Variants in DYNC1I1 observed in about 807,000 individuals in gnomAD.
DYNC1I1 encodes the protein dynein cytoplasmic 1 intermediate chain 1, also known as cytoplasmic dynein 1 intermediate chain 1.
DYNC1I1 carries 43 observed loss-of-function variants against 86.6 expected under a neutral mutation model. The ratio of observed to expected loss-of-function variants is 0.50; its 90% CI spans 0.39 to 0.64. The LOEUF is 0.64. DYNC1I1 is among the 30% of genes least tolerant of loss of function. The pLI, the probability that DYNC1I1 is intolerant of heterozygous loss-of-function variation, is 0.00. For synonymous variants in DYNC1I1, 262 were observed against 283.7 expected (o/e 0.92, Z 0.77); for missense variants, 604 against 788.8 (o/e 0.77, Z 2.81).
At chr7:95,943,520 G>GTACTTTAA (rs2116454888) in intron 6 of DYNC1I1, among the ~76,000 whole-genome samples, 1 of 111,008 alleles carries the variant, frequency 9.0e-6, no homozygotes, top group East Asian at 4.3e-4. Context: ...TTGGAAAAAA[G>GTACTTTAA]TACTTTAAAG....
intron 2 of DYNC1I1, among the ~76,000 whole-genome samples, chr7:95,809,425 T>C (rs929832374): frequency 1.1e-4 from 16 of 152,170 alleles, no homozygotes; most frequent in African/African-American, 3.9e-4. Context: ...TTGACAGGCT[T>C]TAAGACAGCC....
intron 5 of DYNC1I1, among the ~76,000 whole-genome samples, chr7:95,850,211 C>T (rs1789540285): frequency 6.6e-6 from 1 of 152,110 alleles, no homozygotes; most frequent in Admixed American, 6.6e-5. Context: ...TTTCTCTTGC[C>T]TAATTGTTTT....
In DYNC1I1 at chr7:95,968,408, A is replaced by C. The variant is rs181752045; in HGVS notation, c.491-9104A>C. ...ATGACTCTTAGGTATGGAAGGTACC[A>C]CTCTGTCCTTAGGAACAATTTCCTT... On this transcript the variant is annotated intron_variant, in intron 6 of 16. Coordinates refer to ENST00000447467, the MANE Select transcript of DYNC1I1 (RefSeq NM_001135556.2). Among the ~76,000 whole-genome samples the C allele has an allele frequency of 9.9e-5, 15 of 152,198 alleles. No homozygotes were observed. The East Asian group carries it at 1.2e-3, about 12-fold the overall frequency.
chr7:96,090,013 A>C (rs1328340814), intron 16 of DYNC1I1, among the ~76,000 whole-genome samples: 1 of 151,948 alleles, frequency 6.6e-6, no homozygotes. Flanking sequence ...TATGGAAAAC[A>C]AGTTATTCAT....
intron 5 of DYNC1I1, among the ~76,000 whole-genome samples, chr7:95,857,834 A>G (rs1447168461): frequency 6.6e-6 from 1 of 152,190 alleles, no homozygotes; most frequent in Non-Finnish European, 1.5e-5. Context: ...CTCACCCATC[A>G]CTTTCACATT....
chr7:95,787,591 T>C (rs1019621551), intron 1 of DYNC1I1, among the ~76,000 whole-genome samples: 27 of 152,196 alleles, frequency 1.8e-4, no homozygotes, highest in Non-Finnish European at 3.2e-4. Context: ...GACACATTTT[T>C]TGCAGCCATA....
chr7:96,093,726 T>A (rs1338269246), intron 16 of DYNC1I1, among the ~76,000 whole-genome samples: 1 of 152,134 alleles, frequency 6.6e-6, no homozygotes, highest in Non-Finnish European at 1.5e-5. Flanking sequence ...TGTTTCCAGA[T>A]CCACATTGAC....
rs752893858 is a variant in DYNC1I1 at position 95,810,400 on chromosome 7, G to A, written c.117G>A (p.Met39Ile). 9.3e-6 allele frequency: 15 copies of A among 1,608,414 alleles called. No individual in the cohort carries two copies. The highest frequency in any genetic ancestry group is 1.1e-5 in the South Asian group (1 of 90,162). The change falls in exon 3 of 17, where the codon ATG (methionine) becomes ATA (isoleucine). Residue 39 changes from methionine (M) to isoleucine (I), a missense_variant. By Grantham distance (10) the Met-to-Ile change is conservative (BLOSUM62 1). Coordinates refer to ENST00000447467, the MANE Select transcript of DYNC1I1 (RefSeq NM_001135556.2). ...EEERKKKEADMQQKKEPVQDD... is the reference protein window; with the variant it reads ...EEERKKKEADIQQKKEPVQDD... ...CTGACGTCTACTTCTAGGCTGATAT[G>A]CAGCAGAAGAAAGAACCCGTTCAGG...
chr7:95,851,344 A>C (rs1789573078), intron 5 of DYNC1I1, among the ~76,000 whole-genome samples: 1 of 152,250 alleles, frequency 6.6e-6, no homozygotes, highest in Non-Finnish European at 1.5e-5. Flanking sequence ...TGTCCCAGGC[A>C]GGGTGAAGTG....
chr7:96,043,184 G>T (rs1417966781), intron 14 of DYNC1I1, among the ~76,000 whole-genome samples: 18 of 142,200 alleles, frequency 1.3e-4, no homozygotes. Flanking sequence ...AAAAAAAAAA[G>T]AAAGAAAGAA....
chr7:96,096,798 A>C (rs1378738385), intron 16 of DYNC1I1, among the ~76,000 whole-genome samples: 1 of 152,148 alleles, frequency 6.6e-6, no homozygotes, highest in Non-Finnish European at 1.5e-5. Context: ...TTTGCTTGCT[A>C]TGCAACCTTG....
chr7:95,887,240 C>T (rs558902744), intron 6 of DYNC1I1, among the ~76,000 whole-genome samples: 8 of 152,238 alleles, frequency 5.3e-5, no homozygotes, highest in Non-Finnish European at 1.0e-4. Context: ...GGGGTAGGGT[C>T]TTAAAATCTC....
intron 16 of DYNC1I1, among the ~76,000 whole-genome samples, chr7:96,089,687 A>G (rs1328446038): frequency 6.6e-6 from 1 of 152,042 alleles, no homozygotes; most frequent in African/African-American, 2.4e-5. Flanking sequence ...CTTCCTTTTC[A>G]TTGTGCTTTT....
chr7:95,810,860 G>A (rs1485972313), intron 3 of DYNC1I1, among the ~76,000 whole-genome samples: 4 of 152,044 alleles, frequency 2.6e-5, no homozygotes, highest in African/African-American at 9.7e-5. Context: ...TCATTGCTGA[G>A]TTCCAGTGTC....
chr7:96,045,601 C>T (rs1342385867), intron 14 of DYNC1I1, among the ~76,000 whole-genome samples: 3 of 152,170 alleles, frequency 2.0e-5, no homozygotes, highest in Non-Finnish European at 4.4e-5. Flanking sequence ...AGCTGACCCT[C>T]TCACTATCTT....
intron 1 of DYNC1I1, among the ~76,000 whole-genome samples, chr7:95,788,030 A>ACATTGTGTTGTGT (rs1387183534): frequency 6.6e-5 from 10 of 152,256 alleles, no homozygotes; most frequent in African/African-American, 2.4e-4. Context: ...TGGGGATGAG[A>ACATTGTGTTGTGT]TCAGGAAAGT....
chr7:95,986,633 A>T (rs138523718), intron 8 of DYNC1I1, among the ~76,000 whole-genome samples: 5 of 152,070 alleles, frequency 3.3e-5, no homozygotes, highest in African/African-American at 1.2e-4. Context: ...CATGCATATC[A>T]TTTCCGGTCT....
intron 6 of DYNC1I1, among the ~76,000 whole-genome samples, chr7:95,891,711 A>C (rs1346990623): frequency 1.3e-5 from 2 of 152,226 alleles, no homozygotes; most frequent in Admixed American, 1.3e-4. Context: ...GAAAGGGAGC[A>C]TGATGCAGAG....
At chr7:95,977,452 A>G in intron 6 of DYNC1I1, 60 bp from the exon 7 acceptor site, 1 of 1,546,308 alleles carries the variant, frequency 6.5e-7, no homozygotes, top group Non-Finnish European at 8.8e-7. Context: ...TCCCACTATC[A>G]ACCAAAGACT....
Sources: allele counts gnomAD v4.1 joint callset (sites outside exome capture counted in the v4.1 genomes callset), GRCh38; gene constraint gnomAD v4.1.1; transcripts MANE v1.5; gene names NCBI Gene and HGNC (gene_info 2026-07-23, HGNC 2026-07-21).